PTPRD: variants seen among roughly 807,000 people sequenced by gnomAD.
The protein encoded by PTPRD is receptor-type tyrosine-protein phosphatase delta.
PTPRD carries 34 observed loss-of-function variants against 214.5 expected under a neutral mutation model. That is an observed-to-expected ratio of 0.16 (90% CI 0.12 to 0.21). PTPRD has a LOEUF of 0.21. Among genes scored for constraint, PTPRD ranks in the 10% least tolerant of loss-of-function variants. The pLI is 1.00. For synonymous variants in PTPRD, 1,128 were observed against 845.7 expected, an observed-to-expected ratio of 1.33 and a Z score of -5.79; for missense variants, 2,545 against 2,398.7, an observed-to-expected ratio of 1.06 and a Z score of -1.27.
intron 35 of PTPRD, among the ~76,000 whole-genome samples, chr9:8,419,366 T>G (rs1481877805): frequency 6.6e-6 from 1 of 152,108 alleles, no homozygotes; most frequent in Non-Finnish European, 1.5e-5. Context: ...TTAAGAAAAC[T>G]TATTAAGTGA....
chr9:8,376,740 G>C lies in PTPRD; in HGVS notation c.4387-14C>G. The C allele has an allele frequency of 6.2e-7, 1 of 1,612,448 alleles. No homozygotes were observed. Among genetic ancestry groups the C allele is most frequent in the Non-Finnish European group, 8.5e-7 (1 of 1,178,990 alleles). On this transcript the variant is annotated splice_polypyrimidine_tract_variant and intron_variant, in intron 37 of 45. Transcript: ENST00000381196. ...GTCACACTTCACCTACAAGAAACAAGTGACACATTCAGGGCAAATGCTCAT... is the reference window on the plus strand; with the variant it reads ...GTCACACTTCACCTACAAGAAACAACTGACACATTCAGGGCAAATGCTCAT...
intron 2 of PTPRD, among the ~76,000 whole-genome samples, chr9:10,568,213 G>A (rs897967413): frequency 2.5e-4 from 37 of 150,320 alleles, no homozygotes; most frequent in African/African-American, 6.6e-4. Context: ...GAGAACATGC[G>A]GTGTTTGGTT....
intron 25 of PTPRD, among the ~76,000 whole-genome samples, chr9:8,498,437 C>T (rs1397699722): frequency 5.3e-5 from 8 of 152,034 alleles, no homozygotes; most frequent in Non-Finnish European, 1.5e-5. Context: ...GCCGCCACGC[C>T]TGGCTAATTT....
At chr9:9,351,328 T>C (rs2051033116) in intron 9 of PTPRD, among the ~76,000 whole-genome samples, 2 of 152,050 alleles carry the variant, frequency 1.3e-5, no homozygotes, top group Non-Finnish European at 2.9e-5. Context: ...TTCCTGGGTA[T>C]GGCCTGCACT....
At chr9:9,946,368 G>A (rs189101853) in intron 4 of PTPRD, among the ~76,000 whole-genome samples, 5 of 152,114 alleles carry the variant, frequency 3.3e-5, no homozygotes, top group Admixed American at 2.6e-4. Context: ...ACTACATATG[G>A]CTGAAAACAT....
At chr9:9,015,086 A>AT (rs1445497043) in intron 11 of PTPRD, among the ~76,000 whole-genome samples, 1 of 152,158 alleles carries the variant, frequency 6.6e-6, no homozygotes, top group African/African-American at 2.4e-5. Flanking sequence ...AGCCAGGTTT[A>AT]TTTTAACTAA....
intron 14 of PTPRD, among the ~76,000 whole-genome samples, chr9:8,555,446 A>G (rs1203435726): frequency 6.6e-6 from 1 of 152,238 alleles, no homozygotes; most frequent in Non-Finnish European, 1.5e-5. Context: ...TTACTTGGTA[A>G]TCAACCACAT....
At chr9:9,609,381 A>C (rs1007641647) in intron 7 of PTPRD, among the ~76,000 whole-genome samples, 1 of 152,174 alleles carries the variant, frequency 6.6e-6, no homozygotes, top group Non-Finnish European at 1.5e-5. Flanking sequence ...AACAAAAACA[A>C]AACAAAAAAA....
intron 5 of PTPRD, among the ~76,000 whole-genome samples, chr9:9,875,092 T>G (rs2066477499): frequency 6.6e-6 from 1 of 152,128 alleles, no homozygotes. Context: ...AGGCTTTTTA[T>G]TGTAATTCTT....
chr9:9,364,191 C>G (rs1332016198), intron 9 of PTPRD, among the ~76,000 whole-genome samples: 1 of 151,340 alleles, frequency 6.6e-6, no homozygotes, highest in Non-Finnish European at 1.5e-5. Context: ...TCGTTTTTCT[C>G]TGTTGTGGAA....
intron 2 of PTPRD, among the ~76,000 whole-genome samples, chr9:10,543,276 G>A (rs1445670334): frequency 6.6e-6 from 1 of 152,054 alleles, no homozygotes; most frequent in Non-Finnish European, 1.5e-5. Flanking sequence ...TTTGTCTAAA[G>A]CAATTTATGA....
intron 35 of PTPRD, among the ~76,000 whole-genome samples, chr9:8,427,420 G>A (rs2094754818): frequency 6.6e-6 from 1 of 152,102 alleles, no homozygotes; most frequent in African/African-American, 2.4e-5. Flanking sequence ...TCTATGAACT[G>A]TAAATTTAGT....
intron 11 of PTPRD, among the ~76,000 whole-genome samples, chr9:8,971,476 G>C (rs2099237992): frequency 6.6e-6 from 1 of 151,838 alleles, no homozygotes; most frequent in East Asian, 1.9e-4. Context: ...TGTGAGATGG[G>C]AAGGACAGTT....
intron 7 of PTPRD, among the ~76,000 whole-genome samples, chr9:9,671,822 T>A (rs1257878123): frequency 6.6e-6 from 1 of 152,204 alleles, no homozygotes; most frequent in Non-Finnish European, 1.5e-5. Context: ...TAATTAAAAC[T>A]CTTTTTCTTC....
rs10977438 is a variant in PTPRD at position 9,006,815 on chromosome 9, T to G, written c.-104+11882A>C. Among the ~76,000 whole-genome samples the G allele has an allele frequency of 1.4e-3, 208 of 152,026 alleles. 2 individuals carry two copies. Among genetic ancestry groups the G allele is most frequent in the African/African-American group, 4.7e-3 (196 of 41,510 alleles). On this transcript the variant is annotated intron_variant, in intron 11 of 45. Coordinates refer to ENST00000381196, the MANE Select transcript of PTPRD (RefSeq NM_002839.4). The stretch of plus-strand genomic sequence containing the variant: ...ATATGTTTTTTCTTTTTTTATAGTA[T>G]GGAAAAAAACTCTATTTAATGAAGC...
intron 5 of PTPRD, among the ~76,000 whole-genome samples, chr9:9,861,277 TTTTA>T (rs1248833754): frequency 1.3e-5 from 2 of 152,218 alleles, no homozygotes; most frequent in Admixed American, 1.3e-4. Context: ...AGTTATTTTA[TTTTA>T]TTTTTTTGTT....
intron 33 of PTPRD, among the ~76,000 whole-genome samples, chr9:8,456,064 A>G (rs1479705034): frequency 6.6e-6 from 1 of 152,174 alleles, no homozygotes; most frequent in African/African-American, 2.4e-5. Context: ...TGAGTGATGG[A>G]GTCAACATGT....
chr9:8,824,599 T>TAAGTA (rs55990781), intron 11 of PTPRD, among the ~76,000 whole-genome samples: 107,720 of 151,516 alleles, frequency 0.71, 38,849 homozygotes, highest in African/African-American at 0.84. Context: ...TAAAGCAAAA[T>TAAGTA]AAGTTATTTT....
At chr9:10,526,424 C>T (rs184893998) in intron 2 of PTPRD, among the ~76,000 whole-genome samples, 2 of 151,992 alleles carry the variant, frequency 1.3e-5, no homozygotes, top group East Asian at 3.9e-4. Flanking sequence ...AAATCATACC[C>T]ATGCCAATTT....
Sources: gnomAD v4.1 joint callset for allele counts (sites outside exome capture counted in the v4.1 genomes callset) on GRCh38, gnomAD v4.1.1 for gene constraint, MANE v1.5 for transcripts, NCBI Gene and HGNC (gene_info 2026-07-23, HGNC 2026-07-21) for gene names.